The following TXNDC17 variants were observed in gnomAD, a reference collection of about 807,000 sequenced individuals.
TXNDC17 encodes thioredoxin domain containing 17.
In TXNDC17, 12 loss-of-function variants were observed where a neutral mutation model predicts 16.3. The ratio of observed to expected loss-of-function variants is 0.74; its 90% confidence interval spans 0.47 to 1.19. The LOEUF is 1.19. Among genes scored for constraint, TXNDC17 ranks in the 50% most tolerant of loss-of-function variants. TXNDC17 has a pLI of 0.00. For missense variants in TXNDC17, 158 were observed against 149.7 expected, an observed-to-expected ratio of 1.06 and a Z score of -0.29; for synonymous variants, 62 against 55.0, an observed-to-expected ratio of 1.13 and a Z score of -0.56.
rs955556389 is a variant in TXNDC17, at chr17:6,641,333, C to T, written c.145+106C>T. The T allele has an allele frequency of 9.9e-6, 15 of 1,511,178 alleles. No individual in the cohort carries two copies. The African/African-American group carries it at 1.8e-4, about 18-fold the overall frequency. The allele number at this position is 1,511,178 out of a possible 1,614,324, so 93.6% of individuals were successfully genotyped here. A position where few individuals can be genotyped will look rare whatever the true frequency, so the allele number is the denominator to read the frequency against. On this transcript the variant is annotated intron_variant, in intron 1 of 3. Transcript: ENST00000250101. ...AGGCAGAGTCTTGGTTCCAGACATC[C>T]GCGGAGCAATCTGAGCTGTCCCCAA...
At chr17:6,641,326 A>C (rs1030133155) in intron 1 of TXNDC17, 99 bp downstream of exon 1, 1 of 1,537,364 alleles carries the variant, frequency 6.5e-7, no homozygotes, top group Admixed American at 1.8e-5. Context: ...TCTTGGTTCC[A>C]GACATCCGCG....
At position 6,644,159 on chromosome 17, in the gene TXNDC17, A is replaced by G. The variant is rs544235034; in HGVS notation, c.*1140A>G. On this transcript the variant is annotated 3_prime_UTR_variant, in exon 4 of 4. Coordinates refer to ENST00000250101, the MANE Select transcript of TXNDC17 (RefSeq NM_032731.4). ...TAGAATTCAGTATACTTGGTGGCCCACCCCTACCCCATGCCCCAGTGCCTT... is the reference window on the plus strand; with the variant it reads ...TAGAATTCAGTATACTTGGTGGCCCGCCCCTACCCCATGCCCCAGTGCCTT... The G allele has an allele frequency of 1.8e-4, 75 of 427,666 alleles. 2 individuals carry two copies. Among genetic ancestry groups the G allele is most frequent in the African/African-American group, 1.4e-3 (68 of 49,074 alleles). 26.5% of individuals were successfully genotyped at this position (427,666 alleles called of 1,614,324 possible).
In TXNDC17 at chr17:6,643,551, G is replaced by A. The variant is rs999841777; in HGVS notation, c.*532G>A. 2.6e-5 allele frequency: 4 copies of A among 152,780 alleles called. No homozygotes were observed. Among genetic ancestry groups the A allele is most frequent in the African/African-American group, 9.7e-5 (4 of 41,444 alleles). The allele number at this position is 152,780 out of a possible 1,614,324, so 9.5% of individuals were successfully genotyped here. A position where few individuals can be genotyped will look rare whatever the true frequency, so the allele number is the denominator to read the frequency against. Reference sequence around the variant, plus strand: ...GCAGCTGTCTCAATGTGCTTTACTTGGGATGAGGCAGGTGGCGGAGAGCGG... The same window carrying A: ...GCAGCTGTCTCAATGTGCTTTACTTAGGATGAGGCAGGTGGCGGAGAGCGG... On this transcript the variant is annotated 3_prime_UTR_variant, in exon 4 of 4. Transcript: ENST00000250101.
rs1037435875 is a variant in TXNDC17 at position 6,641,179 on chromosome 17, G to T, written c.97G>T (p.Gly33Cys). ...NGKTIFAYFT[G>C]SKDAGGKSWC... ...CAAGACCATTTTCGCCTACTTTACG[G>T]GTTCTAAGGACGCCGGGGGGAAAAG... is the stretch of plus-strand genomic sequence containing the variant. The change falls in exon 1 of 4, where the codon GGT becomes TGT. Residue 33 changes from glycine to cysteine, a missense_variant. Physicochemically the swap from Gly to Cys is radical, Grantham distance 159 (BLOSUM62 -3). Transcript: ENST00000250101. 2 of 1,613,772 alleles carry T rather than the reference G, an allele frequency of 1.2e-6. No individual in the cohort carries two copies. Among genetic ancestry groups the T allele is most frequent in the Non-Finnish European group, 1.7e-6 (2 of 1,180,038 alleles).
rs764447746 is a variant in TXNDC17 at position 6,644,535 on chromosome 17, G to A, written c.*1516G>A. ...GCTTGCTGAAGGCGCATCCGCTTCC[G>A]GGAATAGTGCTGCCAATGTAGAATC... On this transcript the variant is annotated 3_prime_UTR_variant, in exon 4 of 4. Transcript: ENST00000250101. 15 of 1,613,192 alleles carry A rather than the reference G, an allele frequency of 9.3e-6. No homozygotes were observed. The highest frequency in any genetic ancestry group is 3.3e-5 in the South Asian group (3 of 90,760).
At chr17:6,641,412 C>T (rs929008717) in intron 1 of TXNDC17, 185 bp downstream of exon 1, 1 of 824,640 alleles carries the variant, frequency 1.2e-6, no homozygotes, top group East Asian at 2.7e-5. Flanking sequence ...TTCCTTTTAC[C>T]ACCTTACCCG....
Position 6,644,470 on chromosome 17 carries a change from T to C in TXNDC17, c.*1451T>C, listed in dbSNP as rs781039809. 34 of 1,591,488 alleles carry C rather than the reference T, an allele frequency of 2.1e-5. No homozygotes were observed. In the East Asian group the frequency reaches 7.0e-4, roughly 33 times the overall value. On this transcript the variant is annotated 3_prime_UTR_variant, in exon 4 of 4. Transcript: ENST00000250101. The stretch of plus-strand genomic sequence containing the variant: ...TGCCTCGTTTGTATCCAGTTTTTCA[T>C]TTTCCCGATGTGTTATTTTGCTGTT...
chr17:6,641,477 G>GTC (rs1972665114), intron 1 of TXNDC17: 1 of 637,496 alleles, frequency 1.6e-6, no homozygotes, highest in African/African-American at 1.8e-5. Context: ...TACCATTAGT[G>GTC]TCTTACAGGA....
chr17:6,641,428 T>C, intron 1 of TXNDC17: 1 of 750,534 alleles, frequency 1.3e-6, no homozygotes, highest in Admixed American at 2.9e-5. Flanking sequence ...ACCCGGATGA[T>C]CTTGGAATCT....
At chr17:6,641,928 A>G (rs1368371395) in intron 2 of TXNDC17, 94 bp downstream of exon 2, 27 of 1,102,602 alleles carry the variant, frequency 2.4e-5, no homozygotes, top group Non-Finnish European at 3.3e-5. Flanking sequence ...AGTTTGTCTT[A>G]CAAGGTAATG....
At chr17:6,642,178 A>G (rs541188431) in intron 2 of TXNDC17, 71 bp from the exon 3 acceptor site, 7 of 1,074,714 alleles carry the variant, frequency 6.5e-6, no homozygotes, top group South Asian at 2.8e-5. Flanking sequence ...ATGTAGGACT[A>G]TGTCAAATAT....
chr17:6,641,327 G>C (rs954538562), intron 1 of TXNDC17, 100 bp downstream of exon 1: 2 of 1,527,664 alleles, frequency 1.3e-6, no homozygotes, highest in Non-Finnish European at 1.8e-6. Flanking sequence ...CTTGGTTCCA[G>C]ACATCCGCGG....
At chr17:6,642,745 G>GT (rs1025038869) in intron 3 of TXNDC17, 22 of 560,788 alleles carry the variant, frequency 3.9e-5, no homozygotes, top group Non-Finnish European at 4.4e-5. Context: ...GGTATTTGGG[G>GT]TTTAAGTCTC....
At position 6,644,148 on chromosome 17, in the gene TXNDC17, C is replaced by T. The variant is rs1972733432; in HGVS notation, c.*1129C>T. The T allele has an allele frequency of 4.7e-6, 2 of 426,340 alleles. No individual in the cohort carries two copies. Among genetic ancestry groups the T allele is most frequent in the African/African-American group, 2.0e-5 (1 of 48,976 alleles). The allele number at this position is 426,340 out of a possible 1,614,324, so 26.4% of individuals were successfully genotyped here. On this transcript the variant is annotated 3_prime_UTR_variant, in exon 4 of 4. Coordinates refer to ENST00000250101, the MANE Select transcript of TXNDC17 (RefSeq NM_032731.4). Reference sequence around the variant, plus strand: ...ACAGCTAGCCTTAGAATTCAGTATACTTGGTGGCCCACCCCTACCCCATGC... The same window carrying T: ...ACAGCTAGCCTTAGAATTCAGTATATTTGGTGGCCCACCCCTACCCCATGC...
Position 6,644,196 on chromosome 17 carries a change from A to G in TXNDC17, c.*1177A>G. 2.1e-6 allele frequency: 1 copy of G among 475,904 alleles called. No homozygotes were observed. The highest frequency in any genetic ancestry group is 3.6e-6 in the Non-Finnish European group (1 of 275,010). The allele number at this position is 475,904 out of a possible 1,614,324, so 29.5% of individuals were successfully genotyped here. ...TGCCCCAGTGCCTTATTTGGTCTAA[A>G]GCACCTAACTTTTCCATTCTTAATC... On this transcript the variant is annotated 3_prime_UTR_variant, in exon 4 of 4. Transcript: ENST00000250101.
Position 6,642,575 on chromosome 17 carries a change from T to C in TXNDC17, c.303+251T>C, listed in dbSNP as rs1218849099. 1.3e-5 allele frequency: 6 copies of C among 469,050 alleles called. No individual in the cohort carries two copies. The East Asian group carries it at 1.4e-4, about 11-fold the overall frequency. 29.1% of individuals were successfully genotyped at this position (469,050 alleles called of 1,614,324 possible). A position where few individuals can be genotyped will look rare whatever the true frequency, so the allele number is the denominator to read the frequency against. On this transcript the variant is annotated intron_variant, in intron 3 of 3. Transcript: ENST00000250101. ...GTTGACTCATAATTCCTTAAAACAT[T>C]TGCATCAACAGTTGTTTTCTGTTTA...
intron 2 of TXNDC17, 51 bp from the exon 3 acceptor site, chr17:6,642,198 T>C: frequency 7.7e-7 from 1 of 1,303,326 alleles, no homozygotes; most frequent in Non-Finnish European, 1.1e-6. Flanking sequence ...TTAAGCAAAC[T>C]GTAATAAACC....
chr17:6,643,796 T>C lies in TXNDC17; in HGVS notation c.*777T>C, dbSNP rs1464483893. On this transcript the variant is annotated 3_prime_UTR_variant, in exon 4 of 4. Transcript: ENST00000250101. ...TGGTACCTCCCAAATCAATGGTAGC[T>C]TTCCCAAATGAACACAAGTATTTGA... 3.8e-6 allele frequency: 1 copy of C among 263,194 alleles called. No individual in the cohort carries two copies. The highest frequency in any genetic ancestry group is 7.1e-6 in the Non-Finnish European group (1 of 140,602). 16.3% of individuals were successfully genotyped at this position (263,194 alleles called of 1,614,324 possible).
At chr17:6,641,502 A>G (rs1972665873) in intron 1 of TXNDC17, 1 of 632,822 alleles carries the variant, frequency 1.6e-6, no homozygotes, top group East Asian at 2.8e-5. Flanking sequence ...TGAGTTGGTC[A>G]GCAAATACAT....
Sources: allele counts gnomAD v4.1 joint callset, GRCh38; gene constraint gnomAD v4.1.1; transcripts MANE v1.5; gene names NCBI Gene and HGNC (gene_info 2026-07-23, HGNC 2026-07-21).